The following ALDH1L1 variants were observed in gnomAD, a reference collection of about 807,000 sequenced individuals.
ALDH1L1 encodes the protein cytosolic 10-formyltetrahydrofolate dehydrogenase.
In ALDH1L1, 68 loss-of-function variants were observed where a neutral mutation model predicts 101.1. The ratio of observed to expected loss-of-function variants is 0.67; its 90% CI spans 0.55 to 0.82. ALDH1L1 has a LOEUF of 0.82. Ranked by LOEUF, ALDH1L1 falls within the 40% of genes least tolerant of loss-of-function variation. ALDH1L1 has a pLI of 0.00. For synonymous variants in ALDH1L1, 486 were observed against 470.8 expected (o/e 1.03, Z -0.42); for missense variants, 1,087 against 1,172.7 (o/e 0.93, Z 1.07).
intron 17 of ALDH1L1, among the ~76,000 whole-genome samples, chr3:126,116,475 C>A (rs2079975085): frequency 6.6e-6 from 1 of 152,138 alleles, no homozygotes; most frequent in South Asian, 2.1e-4. Context: ...CCCCCAAACC[C>A]TCTGTCCAGC....
Position 126,109,929 on chromosome 3 carries a change from C to G in ALDH1L1, c.2347+15G>C. On this transcript the variant is annotated intron_variant, in intron 20 of 22. Coordinates refer to ENST00000393434, the MANE Select transcript of ALDH1L1 (RefSeq NM_012190.4). ...CCTCAATTGACCCAAGCGGACCTGA[C>G]ACACTCTGACTCACCTGGCCGAGGG... is the stretch of plus-strand genomic sequence containing the variant. The G allele has an allele frequency of 6.2e-7, 1 of 1,613,096 alleles. No homozygotes were observed. The highest frequency in any genetic ancestry group is 8.5e-7 in the Non-Finnish European group (1 of 1,179,780).
chr3:126,118,465 G>A (rs111657229), intron 16 of ALDH1L1, among the ~76,000 whole-genome samples: 2 of 152,282 alleles, frequency 1.3e-5, no homozygotes, highest in African/African-American at 2.4e-5. Context: ...AGGACATAGA[G>A]GGTGGAGAGC....
At chr3:126,134,705 C>A (rs1319705995) in intron 12 of ALDH1L1, among the ~76,000 whole-genome samples, 1 of 152,204 alleles carries the variant, frequency 6.6e-6, no homozygotes, top group African/African-American at 2.4e-5. Context: ...GCCATTCTGA[C>A]CGCAAGGCCA....
intron 9 of ALDH1L1, among the ~76,000 whole-genome samples, chr3:126,143,933 C>A (rs1042928471): frequency 6.6e-6 from 1 of 152,090 alleles, no homozygotes. Flanking sequence ...CAGAGCAAGA[C>A]CATGTCTAAA....
chr3:126,112,641 C>T, intron 19 of ALDH1L1, 141 bp downstream of exon 19: 2 of 727,116 alleles, frequency 2.8e-6, no homozygotes, highest in South Asian at 3.4e-5. Context: ...GCTGTGGGTT[C>T]CCTGACCCCC....
chr3:126,108,582 C>T (rs1170298223), intron 20 of ALDH1L1, among the ~76,000 whole-genome samples: 1 of 152,224 alleles, frequency 6.6e-6, no homozygotes, highest in Non-Finnish European at 1.5e-5. Flanking sequence ...GGTAAGTGGA[C>T]AGTGACAGCA....
intron 1 of ALDH1L1, among the ~76,000 whole-genome samples, chr3:126,193,538 T>C (rs2081565376): frequency 6.6e-6 from 1 of 152,216 alleles, no homozygotes; most frequent in Non-Finnish European, 1.5e-5. Context: ...TACCATCATT[T>C]TGGGTTTCTG....
chr3:126,131,362 T>A, intron 13 of ALDH1L1, 22 bp downstream of exon 13: 1 of 1,574,786 alleles, frequency 6.4e-7, no homozygotes, highest in Non-Finnish European at 8.7e-7. Flanking sequence ...GTGCTCACAC[T>A]GGGTGGGAGC....
At chr3:126,107,328 A>G (rs1945914346) in intron 20 of ALDH1L1, 82 bp from the exon 21 acceptor site, 1 of 1,144,058 alleles carries the variant, frequency 8.7e-7, no homozygotes, top group Non-Finnish European at 1.3e-6. Flanking sequence ...GGCCTGGGCC[A>G]CACCAGCCAC....
At chr3:126,122,781 T>C (rs4679101) in intron 16 of ALDH1L1, among the ~76,000 whole-genome samples, 151,853 of 152,338 alleles carry the variant, frequency 1, 75,698 homozygotes, top group Middle Eastern at 1. Context: ...ATGATAAGTC[T>C]TAGAGTAACC....
chr3:126,191,954 G>A (rs771765942), intron 1 of ALDH1L1, among the ~76,000 whole-genome samples: 8 of 152,120 alleles, frequency 5.3e-5, no homozygotes, highest in Non-Finnish European at 8.8e-5. Context: ...AAAATAAGGA[G>A]GCGCTTCAGG....
chr3:126,177,561 G>C (rs1044569650), intron 1 of ALDH1L1, among the ~76,000 whole-genome samples: 14 of 152,152 alleles, frequency 9.2e-5, no homozygotes, highest in Non-Finnish European at 1.8e-4. Context: ...AGGGGGGTTG[G>C]GGGGTGGATG....
intron 14 of ALDH1L1, 187 bp downstream of exon 14, chr3:126,130,036 T>G: frequency 2.0e-6 from 1 of 494,312 alleles, no homozygotes; most frequent in South Asian, 5.3e-5. Context: ...TACTGGGAGA[T>G]TAAATACAAT....
upstream of ALDH1L1, among the ~76,000 whole-genome samples, chr3:126,183,767 T>G (rs1168886412): frequency 6.6e-6 from 1 of 152,156 alleles, no homozygotes; most frequent in Non-Finnish European, 1.5e-5. Context: ...GTCTGTAGAT[T>G]GAGAGCAACT....
intron 1 of ALDH1L1, among the ~76,000 whole-genome samples, chr3:126,171,604 T>A (rs967613980): frequency 5.3e-5 from 8 of 152,218 alleles, no homozygotes; most frequent in Admixed American, 5.2e-4. Context: ...CAGTAAGGAT[T>A]GGAGAAAAAT....
Position 126,136,932 on chromosome 3 carries a change from A to G in ALDH1L1, c.1225-49T>C, listed in dbSNP as rs373262254. 33 of 1,608,706 alleles carry G rather than the reference A, an allele frequency of 2.1e-5. No homozygotes were observed. The African/African-American group carries it at 2.1e-4, about 10-fold the overall frequency. On this transcript the variant is annotated intron_variant, in intron 10 of 22. Transcript: ENST00000393434. ...AGCACAAACCCATGCAGGGTGCAGG[A>G]AGCATACACAGATGGCCACACAGTC... is the stretch of plus-strand genomic sequence containing the variant.
rs140991949 is a variant in ALDH1L1, at chr3:126,119,703, G to A, written c.1889-1605C>T. Among the ~76,000 whole-genome samples the A allele has an allele frequency of 1.1e-3, 175 of 152,206 alleles. No individual in the cohort carries two copies. The East Asian group carries it at 0.025, about 21-fold the overall frequency. On this transcript the variant is annotated intron_variant, in intron 16 of 22. Transcript: ENST00000393434. ...CCACTCCCCATTAAATCACTGTTTT[G>A]GGGAGAAAACGTTTGCAAAAGATAT...
At chr3:126,155,528 T>G (rs2080887858) in intron 4 of ALDH1L1, 25 bp from the exon 5 acceptor site, 1 of 1,596,144 alleles carries the variant, frequency 6.3e-7, no homozygotes, top group Non-Finnish European at 8.5e-7. Flanking sequence ...TGGGTTGCTA[T>G]CCCCAGCAAT....
intron 18 of ALDH1L1, 52 bp from the exon 19 acceptor site, chr3:126,112,932 C>T (rs758898844): frequency 1.3e-6 from 2 of 1,561,128 alleles, no homozygotes; most frequent in Admixed American, 1.7e-5. Context: ...GGGACACCAG[C>T]CCCCGGCTCT....
Sources: gnomAD v4.1 joint callset for allele counts (sites outside exome capture counted in the v4.1 genomes callset) on GRCh38, gnomAD v4.1.1 for gene constraint, MANE v1.5 for transcripts, NCBI Gene and HGNC (gene_info 2026-07-23, HGNC 2026-07-21) for gene names.